The following SENP1 variants were observed in gnomAD, a reference collection of about 807,000 sequenced individuals.
SENP1 encodes sentrin-specific protease 1.
In SENP1, 21 loss-of-function variants were observed where a neutral mutation model predicts 93.0. The observed-to-expected ratio is 0.23, with a 90% CI of 0.16 to 0.33. The LOEUF (loss-of-function observed/expected upper bound fraction) is 0.33, where lower values mean the gene tolerates loss of function less well. Among genes scored for constraint, SENP1 ranks in the 10% least tolerant of loss-of-function variants. SENP1 has a pLI of 1.00. For missense variants in SENP1, 591 were observed against 758.7 expected, an observed-to-expected ratio of 0.78 and a Z score of 2.60; for synonymous variants, 256 against 259.6, an observed-to-expected ratio of 0.99 and a Z score of 0.13.
intron 10 of SENP1, among the ~76,000 whole-genome samples, chr12:48,066,657 G>A (rs962323810): frequency 1.3e-4 from 20 of 152,018 alleles, no homozygotes; most frequent in African/African-American, 4.6e-4. Flanking sequence ...GATTACAGGC[G>A]CGTGCCACCA....
chr12:48,068,806 A>G (rs1471237668), intron 9 of SENP1, among the ~76,000 whole-genome samples: 1 of 152,144 alleles, frequency 6.6e-6, no homozygotes, highest in Non-Finnish European at 1.5e-5. Flanking sequence ...TATCTGGCAA[A>G]GTCAAAGAAA....
intron 6 of SENP1, among the ~76,000 whole-genome samples, chr12:48,079,326 C>T (rs920549114): frequency 6.6e-5 from 10 of 151,824 alleles, no homozygotes; most frequent in Non-Finnish European, 1.3e-4. Flanking sequence ...GGTGAAACTC[C>T]GTCTCTACTG....
intron 13 of SENP1, among the ~76,000 whole-genome samples, chr12:48,059,389 T>C (rs1483580478): frequency 1.3e-5 from 2 of 152,200 alleles, no homozygotes; most frequent in African/African-American, 4.8e-5. Context: ...TACTACCTTA[T>C]ATATTTTTAT....
chr12:48,074,496 G>C lies in SENP1; in HGVS notation c.768C>G (p.Ala256=), dbSNP rs1024790017. The change falls in exon 8 of 18, where the codon GCC becomes GCG. Residue 256 remains alanine, a synonymous_variant. Transcript: ENST00000549518. ...IGSDTSSSGS[A]SILTNQEQLS... ...GCTGTTCCTGGTTAGTTAAAATGCT[G>C]GCAGATCCAGATGATGAAGTATCAG... 1 of 1,613,878 alleles carries C rather than the reference G, an allele frequency of 6.2e-7. No individual in the cohort carries two copies. The highest frequency in any genetic ancestry group is 1.3e-5 in the African/African-American group (1 of 75,010).
At chr12:48,104,164 C>T (rs1415409585) in intron 1 of SENP1, among the ~76,000 whole-genome samples, 1 of 148,926 alleles carries the variant, frequency 6.7e-6, no homozygotes, top group Non-Finnish European at 1.5e-5. Flanking sequence ...TGAGACAAGA[C>T]CAAGCCATTG....
intron 5 of SENP1, among the ~76,000 whole-genome samples, chr12:48,087,950 G>C (rs1944992241): frequency 6.6e-6 from 1 of 152,016 alleles, no homozygotes; most frequent in African/African-American, 2.4e-5. Flanking sequence ...ATATCTGAGG[G>C]AAAAGTTTCT....
rs1941143093 is a variant in SENP1 at position 48,043,592 on chromosome 12, G to T, written c.*1730C>A. On this transcript the variant is annotated 3_prime_UTR_variant, in exon 18 of 18. Coordinates refer to ENST00000549518, the MANE Select transcript of SENP1 (RefSeq NM_001267594.2). ...TATAGAAAGCTATTTATTTCCTATA[G>T]AAAACTCAAAAACAAAGAAAAAGAA... 1 of 151,700 alleles carries T rather than the reference G, an allele frequency of 6.6e-6. No individual in the cohort carries two copies. The highest frequency in any genetic ancestry group is 1.5e-5 in the Non-Finnish European group (1 of 67,834). The allele number at this position is 151,700 out of a possible 1,614,324, so 9.4% of individuals were successfully genotyped here.
At chr12:48,046,755 C>CT (rs1022955787) in intron 16 of SENP1, among the ~76,000 whole-genome samples, 3 of 152,124 alleles carry the variant, frequency 2.0e-5, no homozygotes, top group African/African-American at 7.2e-5. Context: ...GAGTGAAAAG[C>CT]TTAGTAAAAT....
intron 6 of SENP1, among the ~76,000 whole-genome samples, chr12:48,079,249 C>G (rs1944346025): frequency 6.6e-6 from 1 of 151,950 alleles, no homozygotes; most frequent in Non-Finnish European, 1.5e-5. Context: ...CCTGTAATAC[C>G]AGCACTTTGG....
Position 48,074,785 on chromosome 12 carries a change from T to C in SENP1, c.561A>G (p.Gln187=), listed in dbSNP as rs1330737977. 1.9e-6 allele frequency: 3 copies of C among 1,605,640 alleles called. No homozygotes were observed. The highest frequency in any genetic ancestry group is 1.1e-5 in the South Asian group (1 of 89,958). Residue 187 remains glutamine, a synonymous_variant, in exon 7 of 18, where the codon CAA becomes CAG. Transcript: ENST00000549518. ...GTCTGTAAATCTCTCTTTCTTCTTCTTGAACTGTCTATAAGAAAACAAAAA... is the reference window on the plus strand; with the variant it reads ...GTCTGTAAATCTCTCTTTCTTCTTCCTGAACTGTCTATAAGAAAACAAAAA... ...RHVSTAEETV[Q]EEEREIYRQL...
At chr12:48,053,480 GAAAA>G (rs56951392) in intron 13 of SENP1, among the ~76,000 whole-genome samples, 1 of 79,694 alleles carries the variant, frequency 1.3e-5, no homozygotes, top group Non-Finnish European at 2.6e-5. Context: ...CCTGTCTCAG[GAAAA>G]AAAAAAAAAA....
intron 13 of SENP1, 198 bp downstream of exon 13, chr12:48,063,511 TA>T: frequency 2.1e-6 from 1 of 481,026 alleles, no homozygotes; most frequent in Non-Finnish European, 3.6e-6. Context: ...TCTCAGACTT[TA>T]AAATACACCT....
At chr12:48,069,270 A>C (rs1046569083) in intron 9 of SENP1, among the ~76,000 whole-genome samples, 25 of 152,168 alleles carry the variant, frequency 1.6e-4, no homozygotes, top group African/African-American at 5.8e-4. Context: ...GTATAAAGGC[A>C]AAGAGGTATG....
chr12:48,048,937 A>C lies in SENP1; in HGVS notation c.1603T>G (p.Cys535Gly). The C allele has an allele frequency of 6.2e-7, 1 of 1,612,798 alleles. No individual in the cohort carries two copies. The highest frequency in any genetic ancestry group is 8.5e-7 in the Non-Finnish European group (1 of 1,179,002). Residue 535 changes from cysteine to glycine, a missense_variant, in exon 14 of 18, where the codon TGT becomes GGT. Transcript: ENST00000549518. ...LVPIHLGVHW[C>G]LAVVDFRKKN... ...ATGAAAGGGGTACTCACAGCTAGAC[A>C]CCAGTGTACTCCCAGGTGAATGGGC...
chr12:48,055,652 C>A (rs368684834), intron 13 of SENP1: 4 of 151,716 alleles, frequency 2.6e-5, no homozygotes, highest in African/African-American at 9.7e-5. Flanking sequence ...TGTGACTAAT[C>A]CAACCGGAGA....
intron 4 of SENP1, among the ~76,000 whole-genome samples, chr12:48,093,044 C>A (rs1320092002): frequency 1.3e-5 from 2 of 152,162 alleles, no homozygotes; most frequent in Non-Finnish European, 1.5e-5. Flanking sequence ...TATCCCAAAT[C>A]AAATGCTTGA....
At chr12:48,067,002 G>C in intron 9 of SENP1, 37 bp from the exon 10 acceptor site, 1 of 1,359,660 alleles carries the variant, frequency 7.4e-7, no homozygotes, top group Non-Finnish European at 1.0e-6. Context: ...CAAATGAGCA[G>C]GAGGCTTATG....
chr12:48,047,097 G>A, intron 15 of SENP1, 35 bp from the exon 16 acceptor site: 1 of 1,368,954 alleles, frequency 7.3e-7, no homozygotes, highest in African/African-American at 1.4e-5. Context: ...ATAAGCAGTG[G>A]GGAACATCGA....
At chr12:48,090,444 G>C (rs1945143866) in intron 4 of SENP1, among the ~76,000 whole-genome samples, 1 of 152,210 alleles carries the variant, frequency 6.6e-6, no homozygotes, top group African/African-American at 2.4e-5. Flanking sequence ...AGAGACTGCA[G>C]CTTTAAAATG....
Sources: gnomAD v4.1 joint callset for allele counts (sites outside exome capture counted in the v4.1 genomes callset) on GRCh38, gnomAD v4.1.1 for gene constraint, MANE v1.5 for transcripts, NCBI Gene and HGNC (gene_info 2026-07-23, HGNC 2026-07-21) for gene names.